Variants in MTO1 observed in about 807,000 individuals in gnomAD.
MTO1 encodes mitochondrial tRNA translation optimization 1, also known as 5-taurinomethyluridine-[tRNA] synthase subunit MTO1, mitochondrial.
A neutral mutation model predicts 71.6 loss-of-function variants in MTO1; 46 were observed. The observed-to-expected ratio is 0.64, with a 90% CI of 0.51 to 0.82. The LOEUF (loss-of-function observed/expected upper bound fraction) is 0.82, where lower values mean the gene tolerates loss of function less well. Among genes scored for constraint, MTO1 ranks in the 40% least tolerant of loss-of-function variants. The pLI is 0.00. For synonymous variants in MTO1, 297 were observed against 312.1 expected, an observed-to-expected ratio of 0.95 and a Z score of 0.51; for missense variants, 773 against 867.5, an observed-to-expected ratio of 0.89 and a Z score of 1.37.
At chr6:73,467,600 C>T (rs553822647) in intron 3 of MTO1, among the ~76,000 whole-genome samples, 111 of 93,148 alleles carry the variant, frequency 1.2e-3, no homozygotes, top group African/African-American at 3.5e-3. Context: ...GCAACAAGAG[C>T]GAAACTCTGT....
chr6:73,470,123 G>A (rs776107446), intron 3 of MTO1, among the ~76,000 whole-genome samples: 3 of 152,202 alleles, frequency 2.0e-5, no homozygotes, highest in South Asian at 2.1e-4. Context: ...ACCCACTAGC[G>A]TTCTGGGAAC....
intron 9 of MTO1, among the ~76,000 whole-genome samples, chr6:73,487,053 G>C (rs1016485595): frequency 1.3e-5 from 2 of 152,100 alleles, no homozygotes; most frequent in Non-Finnish European, 2.9e-5. Flanking sequence ...TCCATTTTAT[G>C]TATATACCAC....
chr6:73,476,963 G>C (rs964073582), intron 4 of MTO1, among the ~76,000 whole-genome samples: 3 of 151,798 alleles, frequency 2.0e-5, no homozygotes, highest in Non-Finnish European at 4.4e-5. Context: ...AATTTTTGTA[G>C]TTTTAGTGGA....
chr6:73,482,789 C>CTTTTTTTTTTTTTTTTTT (rs35121302), intron 9 of MTO1, among the ~76,000 whole-genome samples, 169 bp downstream of exon 9: 4 of 92,146 alleles, frequency 4.3e-5, no homozygotes, highest in Non-Finnish European at 5.9e-5. Context: ...TTTTTTCTTT[C>CTTTTTTTTTTTTTTTTTT]TTTTTTTTTT....
Position 73,479,734 on chromosome 6 carries a change from A to G in MTO1, c.828A>G (p.Pro276=). 1.9e-6 allele frequency: 3 copies of G among 1,608,956 alleles called. No individual in the cohort carries two copies. Among genetic ancestry groups the G allele is most frequent in the South Asian group, 1.1e-5 (1 of 90,128 alleles). Residue 276 remains proline, a splice_region_variant and synonymous_variant, in exon 5 of 12, where the codon CCA becomes CCG. Transcript: ENST00000498286. ...TGCATCTGGTTACTGTTTTTTAGCC[A>G]GAAGATCAGCTGCCATGTTACTTGA... The part of the protein sequence containing the change: ...SFTNETVWIK[P]EDQLPCYLTH...
intron 9 of MTO1, among the ~76,000 whole-genome samples, chr6:73,489,198 C>A (rs769915592): frequency 1.3e-5 from 2 of 151,964 alleles, no homozygotes; most frequent in Non-Finnish European, 2.9e-5. Flanking sequence ...GTTGAAGAAA[C>A]CCCCATTGGG....
intron 9 of MTO1, among the ~76,000 whole-genome samples, chr6:73,483,575 G>A (rs1018169975): frequency 6.6e-5 from 10 of 151,976 alleles, no homozygotes; most frequent in African/African-American, 2.4e-4. Context: ...GAGCAATGTG[G>A]AATGATCTGA....
At chr6:73,464,659 TAA>T (rs765324304) in intron 1 of MTO1, among the ~76,000 whole-genome samples, 15 of 113,838 alleles carry the variant, frequency 1.3e-4, no homozygotes, top group Admixed American at 2.7e-4. Flanking sequence ...CAATAAATAC[TAA>T]AAAAAAAAAA....
Position 73,461,952 on chromosome 6 carries a change from G to A in MTO1, c.98G>A (p.Arg33Gln), listed in dbSNP as rs1057444357. 2.5e-6 allele frequency: 4 copies of A among 1,614,124 alleles called. No homozygotes were observed. In the Admixed American group the frequency reaches 6.7e-5, roughly 27 times the overall value. The change falls in exon 1 of 12, where the codon CGG becomes CAG. Residue 33 changes from arginine (R) to glutamine (Q), a missense_variant. Coordinates refer to ENST00000498286, the MANE Select transcript of MTO1 (RefSeq NM_012123.4). ...TTGAGCAGTGACAGCGCGGCGCCCCGGACTCCGCACTTCGACGTGATAGTC... is the reference window on the plus strand; with the variant it reads ...TTGAGCAGTGACAGCGCGGCGCCCCAGACTCCGCACTTCGACGTGATAGTC... ...ARLSSDSAAP[R>Q]TPHFDVIVIG... is the part of the protein sequence containing the mutation.
At chr6:73,498,133 C>A (rs377224585) in intron 11 of MTO1, among the ~76,000 whole-genome samples, 1 of 152,024 alleles carries the variant, frequency 6.6e-6, no homozygotes, top group Non-Finnish European at 1.5e-5. Flanking sequence ...GATACCTGAG[C>A]CCAAGACACT....
At chr6:73,473,729 T>A (rs1404665059) in intron 4 of MTO1, 75 bp downstream of exon 4, 4 of 1,301,688 alleles carry the variant, frequency 3.1e-6, no homozygotes, top group Non-Finnish European at 4.2e-6. Flanking sequence ...AACTTTTTTT[T>A]TTTTTTTTTG....
At chr6:73,475,469 T>G (rs533584698) in intron 4 of MTO1, among the ~76,000 whole-genome samples, 2 of 151,584 alleles carry the variant, frequency 1.3e-5, no homozygotes, top group Non-Finnish European at 2.9e-5. Context: ...GCATTTTTAG[T>G]AGAGACAGGG....
chr6:73,487,685 C>T (rs1346594884), intron 9 of MTO1: 1 of 151,492 alleles, frequency 6.6e-6, no homozygotes, highest in South Asian at 2.1e-4. Context: ...TTTGGCTGAC[C>T]TGGGCTGGCT....
Position 73,473,416 on chromosome 6 carries a change from T to A in MTO1, c.587T>A (p.Phe196Tyr). Residue 196 changes from phenylalanine to tyrosine, a missense_variant, in exon 4 of 12, where the codon TTT becomes TAT. Physicochemically the swap from Phe to Tyr is conservative, Grantham distance 22 (BLOSUM62 3). Transcript: ENST00000498286. ...AESVILTTGT[F>Y]LRGMIVIGLE... ...AGTGTGATTCTGACTACTGGGACATTTCTGAGAGGCATGATTGTAATTGGA... is the reference window on the plus strand; with the variant it reads ...AGTGTGATTCTGACTACTGGGACATATCTGAGAGGCATGATTGTAATTGGA... The A allele has an allele frequency of 6.2e-7, 1 of 1,614,186 alleles. No individual in the cohort carries two copies. Among genetic ancestry groups the A allele is most frequent in the Non-Finnish European group, 8.5e-7 (1 of 1,180,032 alleles).
At chr6:73,466,974 T>C (rs946432107) in intron 3 of MTO1, among the ~76,000 whole-genome samples, 2 of 152,064 alleles carry the variant, frequency 1.3e-5, no homozygotes, top group African/African-American at 4.8e-5. Context: ...AAAAGAGTTA[T>C]GTATGTTTTT....
At chr6:73,497,175 CAG>C (rs1410181891) in intron 10 of MTO1, among the ~76,000 whole-genome samples, 1 of 2,646 alleles carries the variant, frequency 3.8e-4, no homozygotes, top group Admixed American at 2.5e-3. Context: ...TTTTTTGAGA[CAG>C]AGTCTCGCTC....
At chr6:73,481,368 T>C (rs530223633) in intron 7 of MTO1, among the ~76,000 whole-genome samples, 243 of 152,320 alleles carry the variant, frequency 1.6e-3, no homozygotes, top group Non-Finnish European at 2.5e-3. Context: ...TTTAATATAC[T>C]TCATTAGAAA....
At chr6:73,467,181 G>A (rs990500293) in intron 3 of MTO1, among the ~76,000 whole-genome samples, 1 of 152,060 alleles carries the variant, frequency 6.6e-6, no homozygotes, top group African/African-American at 2.4e-5. Context: ...CGGTGTGGTA[G>A]CAGGTGCCTG....
chr6:73,461,903 A>C lies in MTO1; in HGVS notation c.49A>C (p.Lys17Gln). The C allele has an allele frequency of 6.2e-7, 1 of 1,614,162 alleles. No individual in the cohort carries two copies. Among genetic ancestry groups the C allele is most frequent in the Admixed American group, 1.7e-5 (1 of 60,026 alleles). Residue 17 changes from lysine (K) to glutamine (Q), a missense_variant, in exon 1 of 12, where the codon AAG becomes CAG. Physicochemically the swap from Lys to Gln is moderately conservative, Grantham distance 53. Transcript: ENST00000498286. ...CCGTTGGGTCGCGGTTTCCTTCACC[A>C]AGCAGCAATTTCCGTTGGCACGGTT... is the stretch of plus-strand genomic sequence containing the variant. ...CGRWVAVSFT[K>Q]QQFPLARLSS...
Sources: allele counts gnomAD v4.1 joint callset (sites outside exome capture counted in the v4.1 genomes callset), GRCh38; gene constraint gnomAD v4.1.1; transcripts MANE v1.5; gene names NCBI Gene and HGNC (gene_info 2026-07-23, HGNC 2026-07-21).